The following NPHP3 variants were observed in gnomAD, a reference collection of about 807,000 sequenced individuals.
NPHP3 encodes nephrocystin 3.
A neutral mutation model predicts 171.9 loss-of-function variants in NPHP3; 123 were observed. That is an observed-to-expected ratio of 0.72 (90% CI 0.62 to 0.83). The LOEUF (loss-of-function observed/expected upper bound fraction) is 0.83, where lower values mean the gene tolerates loss of function less well. NPHP3 is among the 40% of genes least tolerant of loss of function. The pLI, the probability that NPHP3 is intolerant of heterozygous loss-of-function variation, is 0.00. For missense variants in NPHP3, 1,506 were observed against 1,591.9 expected (o/e 0.95, Z 0.92); for synonymous variants, 558 against 579.2 (o/e 0.96, Z 0.52).
rs766607082 is a variant in NPHP3, at chr3:132,689,163, T to G, written c.2794A>C (p.Asn932His). ...CTCATGTTGTCCTCGCCTTCGCAGT[T>G]TTTCTCATACTGCTTCAATGAATCG... ...YFDSLKQYEK[N>H]CEGEDNMSCL... Residue 932 changes from asparagine to histidine, a missense_variant, in exon 20 of 27, where the codon AAC (asparagine) becomes CAC (histidine). Coordinates refer to ENST00000337331, the MANE Select transcript of NPHP3 (RefSeq NM_153240.5). 2 of 1,614,142 alleles carry G rather than the reference T, an allele frequency of 1.2e-6. No homozygotes were observed. Among genetic ancestry groups the G allele is most frequent in the Non-Finnish European group, 1.7e-6 (2 of 1,180,006 alleles).
In NPHP3 at chr3:132,693,284, G is replaced by T. The variant is rs1027054502; in HGVS notation, c.2311-466C>A. On this transcript the variant is annotated intron_variant, in intron 16 of 26. Coordinates refer to ENST00000337331, the MANE Select transcript of NPHP3 (RefSeq NM_153240.5). ...TAAAGGGCTGGAACTGCTGGCTATG[G>T]GGGCAGTGGAGCTAGAGGACAGGCA... 5 of 173,972 alleles carry T rather than the reference G, an allele frequency of 2.9e-5. No individual in the cohort carries two copies. In the South Asian group the frequency reaches 5.3e-4, roughly 19 times the overall value. 10.8% of individuals were successfully genotyped at this position (173,972 alleles called of 1,614,324 possible). A position where few individuals can be genotyped will look rare whatever the true frequency, so the allele number is the denominator to read the frequency against.
rs751527253 is a variant in NPHP3 at position 132,689,263 on chromosome 3, CCT to C, written c.2694-2_2694-1del. The C allele has an allele frequency of 2.3e-4, 379 of 1,614,002 alleles. No individual in the cohort carries two copies. The highest frequency in any genetic ancestry group is 3.1e-4 in the South Asian group (28 of 91,074). ...AACTCAGCAACTCAGCAAAGTGTCC[CCT>C]GTTTCAACAAATAACAGTACTTTAA... On this transcript the variant is annotated splice_acceptor_variant, in intron 19 of 26. Coordinates refer to ENST00000337331, the MANE Select transcript of NPHP3 (RefSeq NM_153240.5). LOFTEE classifies it high-confidence loss of function.
intron 6 of NPHP3, 132 bp downstream of exon 6, chr3:132,712,994 T>C (rs932158163): frequency 5.6e-6 from 3 of 534,158 alleles, no homozygotes; most frequent in Non-Finnish European, 9.9e-6. Flanking sequence ...GAAACAGTTG[T>C]AGAATTTATT....
chr3:132,703,696 C>T (rs1047559344), intron 9 of NPHP3, among the ~76,000 whole-genome samples: 3 of 151,894 alleles, frequency 2.0e-5, no homozygotes, highest in Non-Finnish European at 2.9e-5. Context: ...CCTCCCACCT[C>T]AGCCTCCCAA....
At chr3:132,721,862 G>A in intron 1 of NPHP3, 101 bp downstream of exon 1, 2 of 1,367,580 alleles carry the variant, frequency 1.5e-6, no homozygotes, top group Non-Finnish European at 1.0e-6. Flanking sequence ...ATTAAAATGG[G>A]CAGTTTCCGC....
Position 132,719,702 on chromosome 3 carries a change from T to C in NPHP3, c.519+3A>G. On this transcript the variant is annotated splice_donor_region_variant and intron_variant, in intron 2 of 26. Transcript: ENST00000337331. ...TTTGGGGGTAAAAATGTAAGGAATT[T>C]ACCTTGAATTGCCTTTTAACTTTAT... 6.4e-7 allele frequency: 1 copy of C among 1,552,510 alleles called. No individual in the cohort carries two copies. Among genetic ancestry groups the C allele is most frequent in the Non-Finnish European group, 8.7e-7 (1 of 1,145,640 alleles).
chr3:132,686,175 C>A (rs1334187332), intron 23 of NPHP3, 85 bp downstream of exon 23: 3 of 1,456,148 alleles, frequency 2.1e-6, no homozygotes, highest in Non-Finnish European at 1.9e-6. Flanking sequence ...TTTTTTCTAG[C>A]TTTAGACTTG....
chr3:132,686,023 T>C, intron 23 of NPHP3: 1 of 410,992 alleles, frequency 2.4e-6, no homozygotes, highest in South Asian at 2.1e-5. Flanking sequence ...CACTCCAGCC[T>C]GGGCAACAGA....
chr3:132,686,454 T>C lies in NPHP3; in HGVS notation c.3202-67A>G, dbSNP rs113778548. 490 of 1,594,690 alleles carry C rather than the reference T, an allele frequency of 3.1e-4. 4 individuals carry two copies. The African/African-American group carries it at 4.8e-3, about 16-fold the overall frequency. Reference sequence around the variant, plus strand: ...TGCAATCCTTGATTCTGAAACAATATATGAGGGTCCTAAAAAATCTTCCTT... The same window carrying C: ...TGCAATCCTTGATTCTGAAACAATACATGAGGGTCCTAAAAAATCTTCCTT... On this transcript the variant is annotated intron_variant, in intron 22 of 26. Transcript: ENST00000337331.
At chr3:132,682,401 T>C (rs1939053285) in intron 26 of NPHP3, 1 of 549,620 alleles carries the variant, frequency 1.8e-6, no homozygotes, top group East Asian at 3.2e-5. Context: ...AGTCAACATA[T>C]ACTTAATGGC....
chr3:132,688,539 G>T, intron 21 of NPHP3, 111 bp downstream of exon 21: 1 of 1,154,236 alleles, frequency 8.7e-7, no homozygotes, highest in Non-Finnish European at 1.3e-6. Context: ...TGAAGACTAG[G>T]CACAGGGTAA....
chr3:132,694,206 G>A (rs1939383374), intron 16 of NPHP3, among the ~76,000 whole-genome samples: 1 of 151,960 alleles, frequency 6.6e-6, no homozygotes. Context: ...CAGAAGAGAT[G>A]TATTATTTAG....
intron 6 of NPHP3, among the ~76,000 whole-genome samples, chr3:132,709,265 T>G (rs1181259372): frequency 6.7e-6 from 1 of 148,320 alleles, no homozygotes; most frequent in Non-Finnish European, 1.5e-5. Context: ...CTTCTTTCTT[T>G]CTCTCCCTTT....
intron 1 of NPHP3, among the ~76,000 whole-genome samples, chr3:132,720,705 G>A (rs567124021): frequency 7.9e-5 from 12 of 152,200 alleles, no homozygotes; most frequent in African/African-American, 2.9e-4. Context: ...AGAATGTCTA[G>A]TCTTGAAGAC....
At chr3:132,700,652 T>A (rs1939584296) in intron 10 of NPHP3, among the ~76,000 whole-genome samples, 1 of 152,208 alleles carries the variant, frequency 6.6e-6, no homozygotes, top group Non-Finnish European at 1.5e-5. Context: ...GTAGATTCAT[T>A]TTAATTACAA....
At chr3:132,694,392 C>CACAT (rs1458467401) in intron 16 of NPHP3, among the ~76,000 whole-genome samples, 1 of 150,972 alleles carries the variant, frequency 6.6e-6, no homozygotes, top group African/African-American at 2.4e-5. Context: ...CACACACACA[C>CACAT]ACATATATAT....
Position 132,722,081 on chromosome 3 carries a change from T to C in NPHP3, c.275A>G (p.Glu92Gly), listed in dbSNP as rs2108007694. The C allele has an allele frequency of 6.2e-7, 1 of 1,611,300 alleles. No homozygotes were observed. The highest frequency in any genetic ancestry group is 8.5e-7 in the Non-Finnish European group (1 of 1,179,846). The change falls in exon 1 of 27, where the codon GAG becomes GGG. Residue 92 changes from glutamate (E) to glycine (G), a missense_variant. This residue lies in a region of NPHP3 where 930 missense variants were observed against 924.9 expected (regional missense o/e 1.01). Coordinates refer to ENST00000337331, the MANE Select transcript of NPHP3 (RefSeq NM_153240.5). Reference protein sequence around the residue: ...PELEYAAAEYERLRKEYEIFR... With the variant: ...PELEYAAAEYGRLRKEYEIFR... ...GATCTCGTACTCCTTCCTGAGCCGC[T>C]CGTACTCGGCCGCCGCGTACTCCAG...
intron 5 of NPHP3, among the ~76,000 whole-genome samples, chr3:132,714,753 C>A (rs1038041077): frequency 4.0e-5 from 6 of 151,404 alleles, no homozygotes; most frequent in Non-Finnish European, 1.5e-5. Context: ...AACACACAAA[C>A]AAAAAAAAGT....
chr3:132,705,193 A>AT (rs1404593263), intron 8 of NPHP3, among the ~76,000 whole-genome samples: 1 of 152,048 alleles, frequency 6.6e-6, no homozygotes, highest in Non-Finnish European at 1.5e-5. Flanking sequence ...ATAATTTAAA[A>AT]TTTTTTTATA....
Sources: allele counts gnomAD v4.1 joint callset (sites outside exome capture counted in the v4.1 genomes callset), GRCh38; gene constraint gnomAD v4.1.1; regional missense constraint gnomAD v4.1.1; transcripts MANE v1.5; gene names NCBI Gene and HGNC (gene_info 2026-07-23, HGNC 2026-07-21).